Variants in CAMK1D observed in about 807,000 individuals in gnomAD.
CAMK1D encodes calcium/calmodulin-dependent protein kinase type 1D.
A neutral mutation model predicts 47.7 loss-of-function variants in CAMK1D; 9 were observed. The ratio of observed to expected loss-of-function variants is 0.19; its 90% CI spans 0.11 to 0.33. The LOEUF (loss-of-function observed/expected upper bound fraction) is 0.33. CAMK1D is among the 10% of genes least tolerant of loss of function. The pLI is 1.00. For synonymous variants in CAMK1D, 184 were observed against 184.9 expected (o/e 0.99, Z 0.04); for missense variants, 291 against 488.7 (o/e 0.60, Z 3.81).
At chr10:12,598,635 G>C (rs549260385) in intron 2 of CAMK1D, among the ~76,000 whole-genome samples, 3 of 152,318 alleles carry the variant, frequency 2.0e-5, no homozygotes, top group South Asian at 4.2e-4. Flanking sequence ...GAGCATCACT[G>C]TCTGGGCTAC....
At chr10:12,666,668 C>A in intron 2 of CAMK1D, 68 bp from the exon 3 acceptor site, 2 of 1,240,572 alleles carry the variant, frequency 1.6e-6, no homozygotes, top group South Asian at 1.3e-5. Context: ...TGCTACAATG[C>A]TGTCTGTTTT....
chr10:12,696,136 G>T (rs535194108), intron 3 of CAMK1D, among the ~76,000 whole-genome samples: 1 of 152,020 alleles, frequency 6.6e-6, no homozygotes, highest in African/African-American at 2.4e-5. Flanking sequence ...GACCTCTTTG[G>T]AAATCTTGCC....
chr10:12,464,372 A>G (rs536863894), intron 1 of CAMK1D, among the ~76,000 whole-genome samples: 6 of 152,266 alleles, frequency 3.9e-5, no homozygotes, highest in African/African-American at 1.4e-4. Flanking sequence ...TGAACTGGCC[A>G]TCTCCAGAGC....
intron 3 of CAMK1D, among the ~76,000 whole-genome samples, chr10:12,679,280 C>T (rs1048708369): frequency 1.3e-5 from 2 of 152,090 alleles, no homozygotes; most frequent in African/African-American, 4.8e-5. Context: ...ATAGAAAGTA[C>T]ATTAAGAGTC....
chr10:12,369,395 A>G (rs746905753), intron 1 of CAMK1D, among the ~76,000 whole-genome samples: 9 of 152,180 alleles, frequency 5.9e-5, no homozygotes, highest in Admixed American at 2.0e-4. Context: ...TCTTGTCCTG[A>G]GGGAACTTTT....
chr10:12,744,022 CAAA>C (rs60844942), intron 3 of CAMK1D, among the ~76,000 whole-genome samples: 5 of 99,892 alleles, frequency 5.0e-5, no homozygotes, highest in African/African-American at 1.1e-4. Context: ...GACTCCGTTT[CAAA>C]AAAAAAAAAA....
At chr10:12,376,759 CT>C (rs149986092) in intron 1 of CAMK1D, among the ~76,000 whole-genome samples, 101 of 143,822 alleles carry the variant, frequency 7.0e-4, no homozygotes, top group Non-Finnish European at 5.6e-4. Flanking sequence ...CTTTTCTTTT[CT>C]TTTTTTTTTT....
intron 8 of CAMK1D, among the ~76,000 whole-genome samples, chr10:12,817,715 G>A (rs187130980): frequency 6.6e-6 from 1 of 152,176 alleles, no homozygotes; most frequent in East Asian, 1.9e-4. Context: ...GTTTTTTTGA[G>A]ATGGAGTCTC....
chr10:12,601,941 A>G (rs1423477966), intron 2 of CAMK1D, among the ~76,000 whole-genome samples: 2 of 152,164 alleles, frequency 1.3e-5, no homozygotes, highest in African/African-American at 4.8e-5. Flanking sequence ...AGCCCCCTCT[A>G]CCTGTGTGTC....
intron 1 of CAMK1D, among the ~76,000 whole-genome samples, chr10:12,415,455 A>AT (rs5783266): frequency 0.34 from 31,410 of 93,074 alleles, 6,334 homozygotes; most frequent in East Asian, 0.42. Context: ...CGCCTGGCTA[A>AT]TTTTTTTTTT....
chr10:12,604,447 T>G (rs1838392312), intron 2 of CAMK1D, among the ~76,000 whole-genome samples: 1 of 152,224 alleles, frequency 6.6e-6, no homozygotes, highest in Non-Finnish European at 1.5e-5. Context: ...TTTGGCCGTG[T>G]TGGCCCTTGG....
Position 12,492,671 on chromosome 10 carries a change from G to A in CAMK1D, c.93-60554G>A, listed in dbSNP as rs148510030. On this transcript the variant is annotated intron_variant, in intron 1 of 10. Coordinates refer to ENST00000619168, the MANE Select transcript of CAMK1D (RefSeq NM_153498.4). The stretch of plus-strand genomic sequence containing the variant: ...CTGTAGTAACAAAAATGCACGCACA[G>A]CCACTGTTTGACAGTCATGGTATCA... Among the ~76,000 whole-genome samples, 320 of 152,270 alleles carry A rather than the reference G, an allele frequency of 2.1e-3. 1 individual carries two copies. The highest frequency in any genetic ancestry group is 7.4e-3 in the African/African-American group (308 of 41,538).
At chr10:12,611,609 T>TTTTTTTTTTTTTTTTTTTTTTTTTTTTG (rs1554796845) in intron 2 of CAMK1D, among the ~76,000 whole-genome samples, 1 of 124,710 alleles carries the variant, frequency 8.0e-6, no homozygotes, top group Non-Finnish European at 1.7e-5. Context: ...TTTTTTTTTT[T>TTTTTTTTTTTTTTTTTTTTTTTTTTTTG]GAGACAGAGT....
intron 6 of CAMK1D, among the ~76,000 whole-genome samples, chr10:12,807,781 C>T (rs1452452974): frequency 6.6e-6 from 1 of 152,216 alleles, no homozygotes; most frequent in Non-Finnish European, 1.5e-5. Context: ...TCTGAACTGT[C>T]CGTTCCTCCG....
At chr10:12,780,893 C>T (rs576202864) in intron 5 of CAMK1D, among the ~76,000 whole-genome samples, 11 of 152,254 alleles carry the variant, frequency 7.2e-5, no homozygotes, top group African/African-American at 2.2e-4. Context: ...TTTATCACAC[C>T]GTGGGCTGCA....
At chr10:12,574,272 C>A (rs12257115) in intron 2 of CAMK1D, among the ~76,000 whole-genome samples, 11,156 of 151,694 alleles carry the variant, frequency 0.074, 1,221 homozygotes, top group African/African-American at 0.24. Context: ...CATTTGCCTC[C>A]CTCCTTCCCT....
intron 1 of CAMK1D, among the ~76,000 whole-genome samples, chr10:12,537,788 C>T (rs149288474): frequency 4.6e-5 from 7 of 152,224 alleles, no homozygotes; most frequent in African/African-American, 1.2e-4. Context: ...TTCCCCTTTC[C>T]GCTGAGACTT....
intron 2 of CAMK1D, among the ~76,000 whole-genome samples, chr10:12,621,730 A>G (rs1430507312): frequency 6.6e-6 from 1 of 152,224 alleles, no homozygotes; most frequent in Non-Finnish European, 1.5e-5. Context: ...GCTAGCATAC[A>G]GGACTTCAGT....
chr10:12,666,595 G>T (rs1363772612), intron 2 of CAMK1D, 141 bp from the exon 3 acceptor site: 1 of 667,522 alleles, frequency 1.5e-6, no homozygotes, highest in East Asian at 2.7e-5. Context: ...AAAAGTCTGG[G>T]GACAACATTG....
Sources: allele counts gnomAD v4.1 joint callset (sites outside exome capture counted in the v4.1 genomes callset), GRCh38; gene constraint gnomAD v4.1.1; transcripts MANE v1.5; gene names NCBI Gene and HGNC (gene_info 2026-07-23, HGNC 2026-07-21).